TRDN: variants seen among roughly 807,000 people sequenced by gnomAD.
TRDN encodes triadin.
In TRDN, 161 loss-of-function variants were observed where a neutral mutation model predicts 149.7. The ratio of observed to expected loss-of-function variants is 1.08; its 90% CI spans 0.95 to 1.23. TRDN has a LOEUF of 1.23. Ranked by LOEUF, TRDN falls within the 50% of genes most tolerant of loss-of-function variation. The pLI is 0.00. For synonymous variants in TRDN, 294 were observed against 250.5 expected (o/e 1.17, Z -1.64); for missense variants, 896 against 823.5 (o/e 1.09, Z -1.08).
chr6:123,503,361 C>T (rs1047710651), intron 8 of TRDN: 3 of 985,096 alleles, frequency 3.0e-6, no homozygotes, highest in Non-Finnish European at 3.6e-6. Context: ...TTTGGGGGAC[C>T]ACTTTCCTCC....
At chr6:123,345,309 A>C (rs552289980) in intron 21 of TRDN, among the ~76,000 whole-genome samples, 6 of 151,884 alleles carry the variant, frequency 4.0e-5, no homozygotes, top group Non-Finnish European at 8.8e-5. Context: ...AATTTGTTCA[A>C]AAGTCTATCC....
At chr6:123,558,869 C>T (rs1021350143) in intron 2 of TRDN, among the ~76,000 whole-genome samples, 8 of 152,240 alleles carry the variant, frequency 5.3e-5, no homozygotes, top group Non-Finnish European at 1.2e-4. Flanking sequence ...TGAACTGCAG[C>T]TGCCAGGGAT....
chr6:123,372,991 A>C (rs1368008374), intron 19 of TRDN, among the ~76,000 whole-genome samples: 1 of 142,556 alleles, frequency 7.0e-6, no homozygotes, highest in East Asian at 2.7e-4. Flanking sequence ...CCCAAGGTAC[A>C]CTTTCTTCAT....
At chr6:123,248,588 T>C (rs1391646698) in intron 38 of TRDN, among the ~76,000 whole-genome samples, 2 of 151,628 alleles carry the variant, frequency 1.3e-5, no homozygotes, top group Non-Finnish European at 3.0e-5. Context: ...CAGAGACTTA[T>C]ATGCACAACT....
intron 2 of TRDN, among the ~76,000 whole-genome samples, chr6:123,551,253 T>A (rs2114450240): frequency 6.8e-6 from 1 of 146,304 alleles, no homozygotes; most frequent in Non-Finnish European, 1.5e-5. Context: ...CAAAGCAGGC[T>A]ATTTTTATGA....
At chr6:123,567,026 T>G (rs1469870436) in intron 2 of TRDN, among the ~76,000 whole-genome samples, 1 of 152,220 alleles carries the variant, frequency 6.6e-6, no homozygotes, top group Non-Finnish European at 1.5e-5. Context: ...ACAGTAGAGC[T>G]TCCATTGGAG....
chr6:123,278,175 A>T, intron 26 of TRDN, 143 bp downstream of exon 26: 1 of 530,394 alleles, frequency 1.9e-6, no homozygotes, highest in Non-Finnish European at 3.0e-6. Flanking sequence ...AGAGAAATAT[A>T]TATTTTGTTA....
chr6:123,571,005 C>T lies in TRDN; in HGVS notation c.150G>A (p.Trp50Ter). 2 of 1,613,956 alleles carry T rather than the reference C, an allele frequency of 1.2e-6. No homozygotes were observed. The highest frequency in any genetic ancestry group is 1.7e-6 in the Non-Finnish European group (2 of 1,179,860). Residue 50 changes from tryptophan (W) to a stop codon, truncating the protein, a stop_gained, in exon 2 of 41, where the codon TGG becomes TGA. Transcript: ENST00000334268. LOFTEE classifies it high-confidence loss of function. ...IVTTFSSPAA[W>*]LLVIALIITW... ...TGATTATCAGGGCAATGACCAGAAG[C>T]CAGGCTGCAGGGGAGCTGAACGTCG...
At chr6:123,498,650 G>A (rs778317849) in intron 8 of TRDN, 41 of 469,980 alleles carry the variant, frequency 8.7e-5, no homozygotes, top group Middle Eastern at 3.2e-4. Flanking sequence ...GGAACCCTAT[G>A]ATTGGGAAAG....
intron 1 of TRDN, among the ~76,000 whole-genome samples, chr6:123,576,168 T>C (rs1782846331): frequency 6.6e-6 from 1 of 152,144 alleles, no homozygotes; most frequent in African/African-American, 2.4e-5. Flanking sequence ...TCTTGCTATA[T>C]TGTTTGTGTT....
intron 23 of TRDN, among the ~76,000 whole-genome samples, chr6:123,329,411 C>G (rs1447033572): frequency 6.6e-6 from 1 of 152,002 alleles, no homozygotes; most frequent in East Asian, 1.9e-4. Flanking sequence ...AAACTTTAAC[C>G]TAGAAAATTT....
chr6:123,510,570 G>T lies in TRDN; in HGVS notation c.610+1733C>A, dbSNP rs79085951. On this transcript the variant is annotated intron_variant, in intron 7 of 40. Transcript: ENST00000334268. ...AGTGATATACTAATAAATATATTTG[G>T]CATATTATTATGGTACTTTCAGTTC... Among the ~76,000 whole-genome samples, 521 of 151,384 alleles carry T rather than the reference G, an allele frequency of 3.4e-3. 23 individuals carry two copies. In the East Asian group the frequency reaches 0.092, roughly 27 times the overall value.
At chr6:123,616,289 C>T (rs1003263816) in intron 1 of TRDN, among the ~76,000 whole-genome samples, 4 of 151,938 alleles carry the variant, frequency 2.6e-5, no homozygotes, top group Non-Finnish European at 5.9e-5. Context: ...TATGATCATG[C>T]CACTGGACTC....
At chr6:123,546,076 T>A (rs111332959) in intron 4 of TRDN, among the ~76,000 whole-genome samples, 1,703 of 152,262 alleles carry the variant, frequency 0.011, 30 homozygotes, top group African/African-American at 0.039. Flanking sequence ...TAATGACTAA[T>A]AACTCACTTA....
Position 123,278,349 on chromosome 6 carries a change from TA to T in TRDN, c.1538-3del, listed in dbSNP as rs1777452033. ...TCTCTTCCTTTTTTCCTTGTAGTTC[TA>T]AAAATATAGATGAACATTAGTAACA... On this transcript the variant is annotated splice_region_variant and splice_polypyrimidine_tract_variant and intron_variant, in intron 25 of 40. Transcript: ENST00000334268. 4 of 1,284,266 alleles carry T rather than the reference TA, an allele frequency of 3.1e-6. No individual in the cohort carries two copies. The highest frequency in any genetic ancestry group is 4.2e-6 in the Non-Finnish European group (4 of 947,636). 79.6% of individuals were successfully genotyped at this position (1,284,266 alleles called of 1,614,324 possible).
intron 5 of TRDN, among the ~76,000 whole-genome samples, chr6:123,523,670 A>T (rs1779798478): frequency 6.6e-6 from 1 of 152,142 alleles, no homozygotes; most frequent in Non-Finnish European, 1.5e-5. Context: ...AAATTATAGT[A>T]CGGAGGAGCT....
At chr6:123,529,356 C>T (rs1384620474) in intron 5 of TRDN, 2 of 1,547,742 alleles carry the variant, frequency 1.3e-6, no homozygotes, top group East Asian at 2.4e-5. Context: ...CATTAGTTTC[C>T]TAAGTACAAA....
chr6:123,449,329 A>G (rs535539866), intron 10 of TRDN, among the ~76,000 whole-genome samples: 6 of 152,336 alleles, frequency 3.9e-5, no homozygotes, highest in Admixed American at 3.3e-4. Flanking sequence ...AAACAATACA[A>G]GAAGTGAAGG....
chr6:123,433,155 TATATATA>T (rs1398942504), intron 12 of TRDN, among the ~76,000 whole-genome samples: 1,134 of 59,638 alleles, frequency 0.019, 19 homozygotes, highest in African/African-American at 0.057. Context: ...TATATATATA[TATATATA>T]ATATATATAT....
Sources: gnomAD v4.1 joint callset for allele counts (sites outside exome capture counted in the v4.1 genomes callset) on GRCh38, gnomAD v4.1.1 for gene constraint, MANE v1.5 for transcripts, NCBI Gene and HGNC (gene_info 2026-07-23, HGNC 2026-07-21) for gene names.